ARHGAP10: variants seen among roughly 807,000 people sequenced by gnomAD.
The protein encoded by ARHGAP10 is Rho GTPase activating protein 10, also known as rho GTPase-activating protein 10.
ARHGAP10 carries 87 observed loss-of-function variants against 108.6 expected under a neutral mutation model. The ratio of observed to expected loss-of-function variants is 0.80; its 90% CI spans 0.67 to 0.96. The LOEUF is 0.96. Ranked by LOEUF, ARHGAP10 falls within the 40% of genes least tolerant of loss-of-function variation. ARHGAP10 has a pLI of 0.00. For missense variants in ARHGAP10, 939 were observed against 954.5 expected, an observed-to-expected ratio of 0.98 and a Z score of 0.21; for synonymous variants, 347 against 341.1, an observed-to-expected ratio of 1.02 and a Z score of -0.19.
intron 11 of ARHGAP10, among the ~76,000 whole-genome samples, chr4:147,908,485 A>G: frequency 6.6e-6 from 1 of 152,162 alleles, no homozygotes; most frequent in East Asian, 1.9e-4. Flanking sequence ...TCAGAGATAC[A>G]CAGACAAAGG....
chr4:147,826,784 C>A (rs573544455), intron 3 of ARHGAP10, among the ~76,000 whole-genome samples: 16 of 152,266 alleles, frequency 1.1e-4, no homozygotes, highest in Admixed American at 7.2e-4. Flanking sequence ...CTTAAAAAAA[C>A]ACAGTATCCT....
chr4:147,821,457 C>A (rs1732495937), intron 1 of ARHGAP10, among the ~76,000 whole-genome samples: 1 of 152,098 alleles, frequency 6.6e-6, no homozygotes, highest in African/African-American at 2.4e-5. Flanking sequence ...CTGTATGATC[C>A]AAAAGTTTTA....
chr4:147,898,047 G>A (rs1162723447), intron 10 of ARHGAP10, among the ~76,000 whole-genome samples: 1 of 151,878 alleles, frequency 6.6e-6, no homozygotes, highest in African/African-American at 2.4e-5. Context: ...TAGAGATGGG[G>A]TTTCACCATG....
At chr4:147,912,588 TATATATATATAA>T (rs1425008589) in intron 12 of ARHGAP10, among the ~76,000 whole-genome samples, 14 of 60,560 alleles carry the variant, frequency 2.3e-4, no homozygotes, top group Admixed American at 7.8e-4. Flanking sequence ...TATATATATA[TATATATATATAA>T]AATTCCTGTG....
intron 1 of ARHGAP10, among the ~76,000 whole-genome samples, chr4:147,819,684 G>T (rs1195129745): frequency 2.0e-5 from 3 of 152,076 alleles, no homozygotes; most frequent in South Asian, 4.2e-4. Flanking sequence ...TCAGCCTCCT[G>T]AGTAGCTGGG....
intron 18 of ARHGAP10, among the ~76,000 whole-genome samples, chr4:148,004,652 A>G (rs1740869661): frequency 6.6e-6 from 1 of 152,210 alleles, no homozygotes; most frequent in Admixed American, 6.5e-5. Context: ...GCCCATAGTC[A>G]GCAAAAGCCA....
intron 1 of ARHGAP10, among the ~76,000 whole-genome samples, chr4:147,814,462 G>A (rs1732154295): frequency 6.6e-6 from 1 of 152,180 alleles, no homozygotes; most frequent in African/African-American, 2.4e-5. Flanking sequence ...AAACTCATTT[G>A]TTAAGCGAGA....
intron 6 of ARHGAP10, 85 bp from the exon 7 acceptor site, chr4:147,866,627 C>CG (rs1734574982): frequency 3.3e-6 from 3 of 917,608 alleles, no homozygotes; most frequent in Non-Finnish European, 5.1e-6. Flanking sequence ...AGTGAGATGG[C>CG]GGGGGGAACA....
chr4:148,031,331 A>G (rs900553021), intron 19 of ARHGAP10, among the ~76,000 whole-genome samples: 1 of 152,212 alleles, frequency 6.6e-6, no homozygotes, highest in African/African-American at 2.4e-5. Context: ...TTAGCATATT[A>G]TATACCAAGT....
chr4:147,901,035 AT>A, intron 10 of ARHGAP10, among the ~76,000 whole-genome samples: 1 of 152,188 alleles, frequency 6.6e-6, no homozygotes, highest in Admixed American at 6.5e-5. Context: ...ATTAAATTTT[AT>A]TAATAAAATA....
intron 4 of ARHGAP10, among the ~76,000 whole-genome samples, chr4:147,849,660 C>T (rs1021721801): frequency 6.6e-6 from 1 of 152,142 alleles, no homozygotes; most frequent in African/African-American, 2.4e-5. Context: ...CTTTCAGTTC[C>T]CTGTGCTTTT....
At chr4:147,964,355 A>G (rs1739122809) in intron 16 of ARHGAP10, among the ~76,000 whole-genome samples, 1 of 152,194 alleles carries the variant, frequency 6.6e-6, no homozygotes, top group South Asian at 2.1e-4. Context: ...AAACTACAGT[A>G]GAGGCTTTGC....
At chr4:147,841,150 A>G (rs992493897) in intron 3 of ARHGAP10, among the ~76,000 whole-genome samples, 1 of 152,254 alleles carries the variant, frequency 6.6e-6, no homozygotes, top group African/African-American at 2.4e-5. Context: ...CTGGTCTTTT[A>G]TGGAAAAAGT....
chr4:147,950,440 C>A (rs1195800823), intron 15 of ARHGAP10, among the ~76,000 whole-genome samples: 1 of 152,186 alleles, frequency 6.6e-6, no homozygotes, highest in Non-Finnish European at 1.5e-5. Context: ...GTTGGAGCCC[C>A]AGCTCTGTCA....
At chr4:147,976,780 T>G (rs1299875155) in intron 18 of ARHGAP10, among the ~76,000 whole-genome samples, 3 of 152,140 alleles carry the variant, frequency 2.0e-5, no homozygotes, top group African/African-American at 7.2e-5. Flanking sequence ...CCAGAGTGGT[T>G]TGATAAGAGC....
intron 12 of ARHGAP10, among the ~76,000 whole-genome samples, chr4:147,910,451 A>T (rs1356687803): frequency 6.6e-6 from 1 of 152,098 alleles, no homozygotes; most frequent in Non-Finnish European, 1.5e-5. Flanking sequence ...TTCTTGTCTG[A>T]GTTAACTCCT....
chr4:147,854,224 G>A (rs989568906), intron 4 of ARHGAP10, among the ~76,000 whole-genome samples: 1 of 152,058 alleles, frequency 6.6e-6, no homozygotes, highest in Non-Finnish European at 1.5e-5. Context: ...TGGCTTCCTC[G>A]TGTTGTTACA....
chr4:148,007,998 TCTTCCTC>T (rs1741018061), intron 18 of ARHGAP10, among the ~76,000 whole-genome samples: 1 of 152,188 alleles, frequency 6.6e-6, no homozygotes, highest in Non-Finnish European at 1.5e-5. Context: ...TGGGTTAGCA[TCTTCCTC>T]CTTCTGGATG....
chr4:147,947,227 CTT>C lies in ARHGAP10; in HGVS notation c.1391+542_1391+543del, dbSNP rs34782915. 3.6e-3 allele frequency among the ~76,000 whole-genome samples: 368 copies of C among 101,548 alleles called. 1 individual carries two copies. The highest frequency in any genetic ancestry group is 0.017 in the Middle Eastern group (3 of 176). The allele number at this position is 101,548 out of a possible 152,430, so 66.6% of individuals were successfully genotyped here. ...GTAGCATTTTTTTATGAGTCACTGT[CTT>C]TTTTTTTTTTTTTTTTTTAAAGAAA... is the stretch of plus-strand genomic sequence containing the variant. On this transcript the variant is annotated intron_variant, in intron 15 of 22. Transcript: ENST00000336498.
Sources: gnomAD v4.1 joint callset for allele counts (sites outside exome capture counted in the v4.1 genomes callset) on GRCh38, gnomAD v4.1.1 for gene constraint, MANE v1.5 for transcripts, NCBI Gene and HGNC (gene_info 2026-07-23, HGNC 2026-07-21) for gene names.